The following SPATA13 variants were observed in gnomAD, a reference collection of about 807,000 sequenced individuals.
The protein encoded by SPATA13 is spermatogenesis-associated protein 13.
SPATA13 carries 50 observed loss-of-function variants against 104.0 expected under a neutral mutation model. The ratio of observed to expected loss-of-function variants is 0.48; its 90% CI spans 0.38 to 0.61. The LOEUF is 0.61. Among genes scored for constraint, SPATA13 ranks in the 20% least tolerant of loss-of-function variants. The pLI, the probability that SPATA13 is intolerant of heterozygous loss-of-function variation, is 0.00. For missense variants in SPATA13, 1,524 were observed against 1,690.6 expected (o/e 0.90, Z 1.73); for synonymous variants, 606 against 667.5 (o/e 0.91, Z 1.42).
intron 1 of SPATA13, among the ~76,000 whole-genome samples, chr13:24,210,257 A>G (rs960272234): frequency 1.3e-5 from 2 of 152,098 alleles, no homozygotes; most frequent in African/African-American, 4.8e-5. Context: ...TTCTTTTGCT[A>G]TGAAAAGCCT....
chr13:24,037,980 T>C (rs548983924), intron 3 of SPATA13, among the ~76,000 whole-genome samples: 48 of 152,098 alleles, frequency 3.2e-4, no homozygotes, highest in East Asian at 5.8e-4. Flanking sequence ...GGCACAATCT[T>C]GGCTCACTGC....
chr13:24,286,928 A>C lies in SPATA13; in HGVS notation c.2645A>C (p.Lys882Thr). ...ATGGACACCGAGCGGGTGTACATCA[A>C]ACACCTCAGGGACATCTGTGAGGTG... ...EIMDTERVYI[K>T]HLRDICEGYI... The change falls in exon 7 of 13, where the codon AAA (lysine) becomes ACA (threonine). Residue 882 changes from lysine to threonine, a missense_variant. Physicochemically the swap from Lys to Thr is moderately conservative, Grantham distance 78. Around this residue, in one of 2 missense-constraint regions of SPATA13, gnomAD observed 435 missense variants for 554.8 expected, o/e 0.78. Coordinates refer to ENST00000382108, the MANE Select transcript of SPATA13 (RefSeq NM_001166271.3). The surrounding 1 kb of genome is among the most constrained non-coding windows in gnomAD (Gnocchi z 4.9). The C allele has an allele frequency of 6.2e-7, 1 of 1,613,640 alleles. No individual in the cohort carries two copies. The highest frequency in any genetic ancestry group is 8.5e-7 in the Non-Finnish European group (1 of 1,179,948).
At chr13:24,178,021 A>G (rs1423406360) in intron 1 of SPATA13, among the ~76,000 whole-genome samples, 2 of 151,716 alleles carry the variant, frequency 1.3e-5, no homozygotes, top group African/African-American at 2.4e-5. Context: ...TATGCCTGGC[A>G]AATTTCGTTT....
chr13:24,302,820 T>C lies in SPATA13; in HGVS notation c.*47T>C, dbSNP rs759398455. On this transcript the variant is annotated 3_prime_UTR_variant, in exon 13 of 13. Coordinates refer to ENST00000382108, the MANE Select transcript of SPATA13 (RefSeq NM_001166271.3). ...TGGAGCTGGGTGTCAAGAGAAGAAC[T>C]GTCTTTGTTTCTTGTGTGCTTCAAT... 1 of 1,611,214 alleles carries C rather than the reference T, an allele frequency of 6.2e-7. No individual in the cohort carries two copies. Among genetic ancestry groups the C allele is most frequent in the Non-Finnish European group, 8.5e-7 (1 of 1,178,014 alleles).
At chr13:23,986,221 T>C (rs942880) in intron 2 of SPATA13, among the ~76,000 whole-genome samples, 40,372 of 152,154 alleles carry the variant, frequency 0.27, 5,599 homozygotes, top group Middle Eastern at 0.33. Flanking sequence ...CTAAGGAAAC[T>C]ATATGCCAAA....
intron 3 of SPATA13, among the ~76,000 whole-genome samples, chr13:24,090,439 A>G (rs982501655): frequency 1.3e-5 from 2 of 152,124 alleles, no homozygotes; most frequent in African/African-American, 4.8e-5. Flanking sequence ...AAGGTTAACT[A>G]TCTTCCCCAC....
rs139484354 is a variant in SPATA13 at position 24,039,669 on chromosome 13, G to T, written c.-112+21968G>T. ...TCTTGCTGTTCTGTGGACTGGAGGG[G>T]TCCATAGGTTGTGAGTTTCTTTTTC... On this transcript the variant is annotated intron_variant, in intron 3 of 14. Transcript: ENST00000424834. Among the ~76,000 whole-genome samples, 1,064 of 152,202 alleles carry T rather than the reference G, an allele frequency of 7.0e-3. 8 individuals carry two copies. The highest frequency in any genetic ancestry group is 0.034 in the Middle Eastern group (10 of 294).
intron 3 of SPATA13, among the ~76,000 whole-genome samples, chr13:24,065,908 A>T (rs1240859972): frequency 2.6e-5 from 4 of 152,232 alleles, no homozygotes; most frequent in Non-Finnish European, 4.4e-5. Flanking sequence ...TAACAATTTG[A>T]CTTGTCTTGG....
At chr13:24,126,208 G>A (rs1294032154) in intron 3 of SPATA13, among the ~76,000 whole-genome samples, 1 of 152,202 alleles carries the variant, frequency 6.6e-6, no homozygotes, top group African/African-American at 2.4e-5. Context: ...AGTCATGGGG[G>A]CAGGAGCCAT....
intron 3 of SPATA13, among the ~76,000 whole-genome samples, chr13:24,096,593 A>C (rs1374245783): frequency 6.6e-6 from 1 of 152,214 alleles, no homozygotes; most frequent in Non-Finnish European, 1.5e-5. Context: ...TCTGTCTAAA[A>C]AAAATAATAA....
In SPATA13 at chr13:24,198,081, C is replaced by A. The variant is rs565289836; in HGVS notation, c.-111-24738C>A. On this transcript the variant is annotated intron_variant, in intron 1 of 12. Coordinates refer to ENST00000382108, the MANE Select transcript of SPATA13 (RefSeq NM_001166271.3). ...CATGATCTCTGCTTACTGCAACCTC[C>A]ACCTCCCGGATTCAAGCGATTCTCC... 1.0e-3 allele frequency among the ~76,000 whole-genome samples: 154 copies of A among 152,208 alleles called. 2 individuals are homozygous for A. Among genetic ancestry groups the A allele is most frequent in the African/African-American group, 3.5e-3 (147 of 41,522 alleles).
intron 3 of SPATA13, chr13:24,034,692 C>G (rs1194735896): frequency 6.6e-6 from 1 of 152,194 alleles, no homozygotes; most frequent in Non-Finnish European, 1.5e-5. Flanking sequence ...CATGACAGCT[C>G]AATCCCATAG....
intron 3 of SPATA13, among the ~76,000 whole-genome samples, chr13:24,045,287 C>G (rs1030416438): frequency 6.6e-6 from 1 of 152,174 alleles, no homozygotes; most frequent in Non-Finnish European, 1.5e-5. Context: ...ATTTAATATT[C>G]GACCATGACC....
chr13:24,222,961 C>G lies in SPATA13; in HGVS notation c.32C>G (p.Pro11Arg). The change falls in exon 2 of 13, where the codon CCC (proline) becomes CGC (arginine). Residue 11 changes from proline (P) to arginine (R), a missense_variant. Physicochemically the swap from Pro to Arg is moderately radical, Grantham distance 103. This residue lies in a region of SPATA13 where 1,089 missense variants were observed against 1,135.9 expected (regional missense o/e 0.96). Transcript: ENST00000382108. The part of the protein sequence containing the change: MTQAAVRPWA[P>R]CLENMTTAPN... ...CAGGCTGCCGTGCGGCCCTGGGCAC[C>G]CTGCCTGGAGAACATGACCACTGCC... 6.4e-7 allele frequency: 1 copy of G among 1,551,276 alleles called. No individual in the cohort carries two copies. Among genetic ancestry groups the G allele is most frequent in the Non-Finnish European group, 8.7e-7 (1 of 1,146,788 alleles).
In SPATA13 at chr13:24,051,128, C is replaced by T. The variant is rs78658354; in HGVS notation, c.-112+33427C>T. 9.4e-3 allele frequency among the ~76,000 whole-genome samples: 1,430 copies of T among 152,292 alleles called. 27 individuals carry two copies. Among genetic ancestry groups the T allele is most frequent in the African/African-American group, 0.031 (1,291 of 41,548 alleles). ...TTATGAATGTCACTGAGCAAATGAA[C>T]TCCAAGTGAGCACTGCTGGGGCTAG... On this transcript the variant is annotated intron_variant, in intron 3 of 14. Coordinates refer to the SPATA13 transcript ENST00000424834. This position sits in a 1 kb window ranked among gnomAD's most constrained non-coding sequence, Gnocchi z 4.2.
At chr13:24,018,295 T>A (rs1444462245) in intron 3 of SPATA13, among the ~76,000 whole-genome samples, 1 of 152,202 alleles carries the variant, frequency 6.6e-6, no homozygotes, top group East Asian at 1.9e-4. Context: ...AGTTGTAAGG[T>A]CAAAATGTCT....
intron 4 of SPATA13, among the ~76,000 whole-genome samples, chr13:24,271,590 A>G (rs1481213683): frequency 6.6e-6 from 1 of 152,222 alleles, no homozygotes; most frequent in African/African-American, 2.4e-5. Context: ...TTGTACTCTC[A>G]CACTAGGAAG....
In SPATA13 at chr13:24,297,753, C is replaced by T. The variant is rs774835581; in HGVS notation, c.3583+18C>T. The T allele has an allele frequency of 3.8e-6, 6 of 1,593,064 alleles. No individual in the cohort carries two copies. In the African/African-American group the frequency reaches 8.1e-5, roughly 21 times the overall value. ...GGAGATGGGTGAGCAGCCCTTGGCT[C>T]TGCAGGCACCTGTGCCTCTGCTTGC... On this transcript the variant is annotated intron_variant, in intron 11 of 12. Coordinates refer to ENST00000382108, the MANE Select transcript of SPATA13 (RefSeq NM_001166271.3).
At chr13:24,034,597 A>G (rs1226668727) in intron 3 of SPATA13, 2 of 152,232 alleles carry the variant, frequency 1.3e-5, no homozygotes, top group African/African-American at 4.8e-5. Flanking sequence ...CCAGAGTTCT[A>G]TGCGTGGACC....
Sources: gnomAD v4.1 joint callset for allele counts (sites outside exome capture counted in the v4.1 genomes callset) on GRCh38, gnomAD v4.1.1 for gene constraint, gnomAD v4.1.1 regional missense constraint, Gnocchi (gnomAD v3.1) non-coding constraint, MANE v1.5 for transcripts, NCBI Gene and HGNC (gene_info 2026-07-23, HGNC 2026-07-21) for gene names.